The following RCAN2 variants were observed in gnomAD, a reference collection of about 807,000 sequenced individuals.
RCAN2 encodes regulator of calcineurin 2.
RCAN2 carries 9 observed loss-of-function variants against 23.6 expected under a neutral mutation model. The ratio of observed to expected loss-of-function variants is 0.38; its 90% CI spans 0.23 to 0.67. RCAN2 has a LOEUF of 0.67. RCAN2 is among the 30% of genes least tolerant of loss of function. RCAN2 has a pLI of 0.51. For synonymous variants in RCAN2, 109 were observed against 115.7 expected, an observed-to-expected ratio of 0.94 and a Z score of 0.37; for missense variants, 273 against 302.3, an observed-to-expected ratio of 0.90 and a Z score of 0.72.
chr6:46,483,857 C>T (rs1365697693), intron 1 of RCAN2, among the ~76,000 whole-genome samples: 1 of 152,112 alleles, frequency 6.6e-6, no homozygotes, highest in Admixed American at 6.5e-5. Flanking sequence ...AACCTATTCA[C>T]GAATTATTAG....
At chr6:46,459,211 G>C (rs1407670200) in intron 1 of RCAN2, among the ~76,000 whole-genome samples, 1 of 152,186 alleles carries the variant, frequency 6.6e-6, no homozygotes, top group African/African-American at 2.4e-5. Flanking sequence ...AAACTCTTTT[G>C]ATAATGAAGT....
intron 2 of RCAN2, among the ~76,000 whole-genome samples, chr6:46,291,937 A>G (rs1484351208): frequency 6.6e-6 from 1 of 152,222 alleles, no homozygotes; most frequent in African/African-American, 2.4e-5. Context: ...ATACAGAGAC[A>G]TGAATGTGCA....
intron 2 of RCAN2, among the ~76,000 whole-genome samples, chr6:46,405,723 G>T (rs530799924): frequency 1.3e-5 from 2 of 152,218 alleles, no homozygotes; most frequent in Non-Finnish European, 2.9e-5. Flanking sequence ...CTCGCACCGG[G>T]GCTGCAGGTG....
intron 2 of RCAN2, among the ~76,000 whole-genome samples, chr6:46,318,858 C>T (rs1388735069): frequency 3.9e-5 from 6 of 152,214 alleles, no homozygotes; most frequent in South Asian, 2.1e-4. Flanking sequence ...TTACATATAT[C>T]GAACCTTTTC....
chr6:46,242,222 T>C (rs1766331555), intron 4 of RCAN2, among the ~76,000 whole-genome samples: 1 of 152,236 alleles, frequency 6.6e-6, no homozygotes. Context: ...AGGACCACTC[T>C]AGAAGTTTTC....
At chr6:46,363,810 A>AC (rs1765088604) in intron 2 of RCAN2, among the ~76,000 whole-genome samples, 1 of 151,744 alleles carries the variant, frequency 6.6e-6, no homozygotes, top group African/African-American at 2.4e-5. Flanking sequence ...TGCAAATAAA[A>AC]AAAATGCTAG....
chr6:46,229,762 CCTT>C (rs1765812740), intron 4 of RCAN2, among the ~76,000 whole-genome samples: 2 of 152,208 alleles, frequency 1.3e-5, no homozygotes, highest in Admixed American at 1.3e-4. Flanking sequence ...TCATCTGAAG[CCTT>C]CTTCTCTCAA....
At chr6:46,252,163 C>A (rs897074376) in intron 2 of RCAN2, among the ~76,000 whole-genome samples, 9 of 152,090 alleles carry the variant, frequency 5.9e-5, no homozygotes, top group African/African-American at 2.2e-4. Flanking sequence ...AGATACCAGA[C>A]CAAATTAGTT....
chr6:46,232,446 T>C (rs1243784408), intron 4 of RCAN2, among the ~76,000 whole-genome samples: 1 of 152,000 alleles, frequency 6.6e-6, no homozygotes, highest in African/African-American at 2.4e-5. Flanking sequence ...GTTGGGGGTG[T>C]CTCTAAGCAG....
intron 2 of RCAN2, among the ~76,000 whole-genome samples, chr6:46,439,429 A>G (rs976710271): frequency 6.6e-6 from 1 of 152,186 alleles, no homozygotes; most frequent in African/African-American, 2.4e-5. Context: ...GTGTTTAAAT[A>G]GAAATTATTT....
In RCAN2 at chr6:46,226,115, T is replaced by G. The variant is rs144295047; in HGVS notation, c.572-2814A>C. Reference sequence around the variant, plus strand: ...GGTTGTAGATATGTGGTATTGTTTCTGAGGGCTCTGTTCTGTTCCATTGGT... The same window carrying G: ...GGTTGTAGATATGTGGTATTGTTTCGGAGGGCTCTGTTCTGTTCCATTGGT... On this transcript the variant is annotated intron_variant, in intron 4 of 4. Transcript: ENST00000371374. Among the ~76,000 whole-genome samples the G allele has an allele frequency of 2.2e-3, 330 of 152,326 alleles. 12 individuals are homozygous for G. In the East Asian group the frequency reaches 0.055, roughly 25 times the overall value.
At chr6:46,436,196 G>A (rs796169691) in intron 2 of RCAN2, among the ~76,000 whole-genome samples, 33 of 152,292 alleles carry the variant, frequency 2.2e-4, no homozygotes, top group Admixed American at 8.5e-4. Context: ...CCACAGGCAA[G>A]GGAAGCAAGA....
intron 1 of RCAN2, among the ~76,000 whole-genome samples, chr6:46,489,727 G>T (rs1769089042): frequency 6.6e-6 from 1 of 152,208 alleles, no homozygotes; most frequent in South Asian, 2.1e-4. Context: ...GAATCATGTA[G>T]CTTTAGATGA....
At chr6:46,430,518 A>G (rs971185712) in intron 2 of RCAN2, among the ~76,000 whole-genome samples, 1 of 152,110 alleles carries the variant, frequency 6.6e-6, no homozygotes, top group East Asian at 1.9e-4. Context: ...AAAGGTTTGG[A>G]TGAGATTGCT....
intron 2 of RCAN2, among the ~76,000 whole-genome samples, chr6:46,389,535 C>T (rs915257139): frequency 2.6e-5 from 4 of 152,174 alleles, no homozygotes; most frequent in African/African-American, 9.7e-5. Context: ...CCTATCAGCT[C>T]CTCCAGGGCT....
chr6:46,424,858 T>C (rs1766991056), intron 2 of RCAN2, among the ~76,000 whole-genome samples: 1 of 152,228 alleles, frequency 6.6e-6, no homozygotes, highest in Admixed American at 6.5e-5. Context: ...TTTTAATCAA[T>C]GCTTTCAAAT....
At chr6:46,457,061 G>T in intron 1 of RCAN2, 83 bp from the exon 2 acceptor site, 1 of 898,924 alleles carries the variant, frequency 1.1e-6, no homozygotes, top group Admixed American at 2.2e-5. Context: ...TGTATTGTCA[G>T]GGGCAGAACA....
chr6:46,424,019 C>A (rs1054966273), intron 2 of RCAN2, among the ~76,000 whole-genome samples: 4 of 152,134 alleles, frequency 2.6e-5, no homozygotes, highest in African/African-American at 4.8e-5. Context: ...CTCGAACCTG[C>A]GAGCTAACCA....
rs1045746685 is a variant in RCAN2 at position 46,301,073 on chromosome 6, C to T, written c.226-52177G>A. Among the ~76,000 whole-genome samples, 5 of 151,960 alleles carry T rather than the reference C, an allele frequency of 3.3e-5. No homozygotes were observed. In the Middle Eastern group the frequency reaches 0.01, roughly 310 times the overall value. ...CTTGTCCCACCATGAAAATCTGGGC[C>T]ATATTTCTTTCTTGTAGGAGGAAAT... On this transcript the variant is annotated intron_variant, in intron 2 of 4. Transcript: ENST00000371374.
Sources: gnomAD v4.1 joint callset for allele counts (sites outside exome capture counted in the v4.1 genomes callset) on GRCh38, gnomAD v4.1.1 for gene constraint, MANE v1.5 for transcripts, NCBI Gene and HGNC (gene_info 2026-07-23, HGNC 2026-07-21) for gene names.